Variants in PDE5A observed in about 807,000 individuals in gnomAD.
PDE5A encodes the protein phosphodiesterase 5A.
In PDE5A, 67 loss-of-function variants were observed where a neutral mutation model predicts 110.2. That is an observed-to-expected ratio of 0.61 (90% confidence interval 0.50 to 0.75). The LOEUF (loss-of-function observed/expected upper bound fraction) is 0.75, where lower values mean the gene tolerates loss of function less well. PDE5A is among the 30% of genes least tolerant of loss of function. The pLI is 0.00. For synonymous variants in PDE5A, 328 were observed against 351.2 expected (o/e 0.93, Z 0.74); for missense variants, 862 against 1,045.1 (o/e 0.82, Z 2.42).
At chr4:119,612,812 T>C (rs1443097324) in intron 1 of PDE5A, among the ~76,000 whole-genome samples, 2 of 152,154 alleles carry the variant, frequency 1.3e-5, no homozygotes, top group Non-Finnish European at 2.9e-5. Context: ...AATTATCCAG[T>C]CTAAGCTATT....
chr4:119,528,317 T>C (rs541262555), intron 11 of PDE5A, among the ~76,000 whole-genome samples: 12 of 152,014 alleles, frequency 7.9e-5, no homozygotes, highest in African/African-American at 2.9e-4. Context: ...TCACTAAGAG[T>C]GGAACGAGAG....
chr4:119,547,106 GT>G (rs35182804), intron 9 of PDE5A, among the ~76,000 whole-genome samples: 38,412 of 134,296 alleles, frequency 0.29, 4,963 homozygotes, highest in East Asian at 0.39. Context: ...TTGGGCAATA[GT>G]TTTTTTTTTT....
chr4:119,523,624 T>C (rs1726206414), intron 12 of PDE5A, among the ~76,000 whole-genome samples: 1 of 152,044 alleles, frequency 6.6e-6, no homozygotes, highest in Non-Finnish European at 1.5e-5. Context: ...GAGGAAATAT[T>C]TTCCTCATGG....
intron 3 of PDE5A, among the ~76,000 whole-genome samples, chr4:119,568,719 T>G (rs1728035891): frequency 6.6e-6 from 1 of 152,180 alleles, no homozygotes; most frequent in Non-Finnish European, 1.5e-5. Context: ...TAAATAGTTT[T>G]ACAAAGTAAA....
At chr4:119,540,802 G>A (rs7678400) in intron 10 of PDE5A, among the ~76,000 whole-genome samples, 39,958 of 151,866 alleles carry the variant, frequency 0.26, 5,388 homozygotes, top group East Asian at 0.38. Context: ...AAGACCTGAG[G>A]GGTTTGTGCC....
In PDE5A at chr4:119,498,593, T is replaced by C. The variant is rs1375083559; in HGVS notation, c.*8A>G. 6.2e-7 allele frequency: 1 copy of C among 1,613,874 alleles called. No homozygotes were observed. The highest frequency in any genetic ancestry group is 2.2e-5 in the East Asian group (1 of 44,866). ...CTGTAAACTTCAACTCTGCATGAAATAGGCCACTCAGTTCCGCTTGGCCTG... is the reference window on the plus strand; with the variant it reads ...CTGTAAACTTCAACTCTGCATGAAACAGGCCACTCAGTTCCGCTTGGCCTG... On this transcript the variant is annotated 3_prime_UTR_variant, in exon 21 of 21. Transcript: ENST00000354960.
chr4:119,525,802 T>TG lies in PDE5A; in HGVS notation c.1633-108_1633-107insC. 1 of 1,156,856 alleles carries TG rather than the reference T, an allele frequency of 8.6e-7. No individual in the cohort carries two copies. The highest frequency in any genetic ancestry group is 1.2e-6 in the Non-Finnish European group (1 of 827,670). 71.7% of individuals were successfully genotyped at this position (1,156,856 alleles called of 1,614,324 possible). A position where few individuals can be genotyped will look rare whatever the true frequency, so the allele number is the denominator to read the frequency against. On this transcript the variant is annotated intron_variant, in intron 11 of 20. Transcript: ENST00000354960. This position sits in a 1 kb window ranked among gnomAD's most constrained non-coding sequence, Gnocchi z 4.3. ...AGAAATAGCATATTGTGGCTTTTTT[T>TG]TCCTTTTTAATGAAAGACACTAGAA...
At chr4:119,564,772 C>T (rs1727867133) in intron 5 of PDE5A, among the ~76,000 whole-genome samples, 1 of 152,044 alleles carries the variant, frequency 6.6e-6, no homozygotes, top group Admixed American at 6.6e-5. Context: ...AGAATTGCAA[C>T]TTTAGAATTA....
intron 14 of PDE5A, among the ~76,000 whole-genome samples, chr4:119,515,148 C>A (rs376977133): frequency 1.3e-5 from 2 of 152,142 alleles, no homozygotes; most frequent in African/African-American, 4.8e-5. Flanking sequence ...TTGAATTGAA[C>A]TTTCACTTTA....
chr4:119,613,228 T>C (rs943282910), intron 1 of PDE5A, among the ~76,000 whole-genome samples: 4 of 152,136 alleles, frequency 2.6e-5, no homozygotes, highest in African/African-American at 9.7e-5. Context: ...ATTAGCAGAG[T>C]GTCATTACAA....
rs80052400 is a variant in PDE5A, at chr4:119,576,979, G to A, written c.832-9835C>T. The stretch of plus-strand genomic sequence containing the variant: ...GAAGAAAAGAGAGAAGAATCAAATA[G>A]GTGCAATAAAAAATGATAAAGGGGA... On this transcript the variant is annotated intron_variant, in intron 3 of 20. Coordinates refer to ENST00000354960, the MANE Select transcript of PDE5A (RefSeq NM_001083.4). Among the ~76,000 whole-genome samples the A allele has an allele frequency of 3.3e-5, 5 of 151,680 alleles. No homozygotes were observed. In the East Asian group the frequency reaches 9.7e-4, roughly 29 times the overall value.
In PDE5A at chr4:119,596,512, A is replaced by C; in HGVS notation, c.831+11T>G. 1 of 1,489,848 alleles carries C rather than the reference A, an allele frequency of 6.7e-7. No individual in the cohort carries two copies. Among genetic ancestry groups the C allele is most frequent in the Non-Finnish European group, 9.1e-7 (1 of 1,093,798 alleles). The allele number at this position is 1,489,848 out of a possible 1,614,324, so 92.3% of individuals were successfully genotyped here. ...TCCAATGACCTTTTATAAAATGGAA[A>C]ATTGGCTTACCTCTTCCCTATGATT... is the stretch of plus-strand genomic sequence containing the variant. On this transcript the variant is annotated intron_variant, in intron 3 of 20. Coordinates refer to ENST00000354960, the MANE Select transcript of PDE5A (RefSeq NM_001083.4).
intron 9 of PDE5A, 64 bp downstream of exon 9, chr4:119,552,486 A>G: frequency 1.8e-6 from 1 of 556,366 alleles, no homozygotes; most frequent in Non-Finnish European, 3.0e-6. Context: ...TGAAAGAAAG[A>G]AGTATAGCTG....
chr4:119,606,648 AC>A, intron 2 of PDE5A, 60 bp downstream of exon 2: 1 of 1,193,960 alleles, frequency 8.4e-7, no homozygotes, highest in South Asian at 1.3e-5. Context: ...CAGCCATAGT[AC>A]CCGCCCCAGC....
chr4:119,606,878 C>T lies in PDE5A; in HGVS notation c.572G>A (p.Cys191Tyr), dbSNP rs920795512. 1 of 1,614,224 alleles carries T rather than the reference C, an allele frequency of 6.2e-7. No homozygotes were observed. Among genetic ancestry groups the T allele is most frequent in the African/African-American group, 1.3e-5 (1 of 75,060 alleles). Residue 191 changes from cysteine to tyrosine, a missense_variant, in exon 2 of 21, where the codon TGT becomes TAT. Coordinates refer to ENST00000354960, the MANE Select transcript of PDE5A (RefSeq NM_001083.4). The part of the protein sequence containing the change: ...SADRYSLFLV[C>Y]EDSSNDKFLI... ...AAACTTGTCATTGGAGCTGTCTTCACAGACAAGGAACAGGGAATAGCGGTC... is the reference window on the plus strand; with the variant it reads ...AAACTTGTCATTGGAGCTGTCTTCATAGACAAGGAACAGGGAATAGCGGTC...
chr4:119,501,362 G>C, intron 19 of PDE5A, 109 bp from the exon 20 acceptor site: 1 of 687,072 alleles, frequency 1.5e-6, no homozygotes, highest in African/African-American at 1.8e-5. Context: ...CCAGGCTGGA[G>C]TGCAGTGGCA....
At chr4:119,615,908 T>C (rs1373349715) in intron 1 of PDE5A, among the ~76,000 whole-genome samples, 3 of 152,136 alleles carry the variant, frequency 2.0e-5, no homozygotes, top group Non-Finnish European at 4.4e-5. Flanking sequence ...GCCACAGCCA[T>C]GGAAAATGCA....
At chr4:119,567,281 T>C in intron 3 of PDE5A, 137 bp from the exon 4 acceptor site, 1 of 605,578 alleles carries the variant, frequency 1.7e-6, no homozygotes, top group Non-Finnish European at 3.0e-6. Flanking sequence ...GCAAAACCCC[T>C]CATCAGCATT....
In PDE5A at chr4:119,627,784, C is replaced by T. The variant is rs1730413044; in HGVS notation, c.152+736G>A. On this transcript the variant is annotated intron_variant, in intron 1 of 20. Coordinates refer to ENST00000354960, the MANE Select transcript of PDE5A (RefSeq NM_001083.4). The surrounding 1 kb of genome is among the most constrained non-coding windows in gnomAD (Gnocchi z 4.6). ...CCGCAAGGGCCGCCCCGGCGCTTGGCTCTGGACCAGAAAGAGCTGGCCTCT... is the reference window on the plus strand; with the variant it reads ...CCGCAAGGGCCGCCCCGGCGCTTGGTTCTGGACCAGAAAGAGCTGGCCTCT... Among the ~76,000 whole-genome samples, 1 of 152,232 alleles carries T rather than the reference C, an allele frequency of 6.6e-6. No individual in the cohort carries two copies. The highest frequency in any genetic ancestry group is 1.5e-5 in the Non-Finnish European group (1 of 68,040).
Sources: gnomAD v4.1 joint callset for allele counts (sites outside exome capture counted in the v4.1 genomes callset) on GRCh38, gnomAD v4.1.1 for gene constraint, Gnocchi (gnomAD v3.1) non-coding constraint, MANE v1.5 for transcripts, NCBI Gene and HGNC (gene_info 2026-07-23, HGNC 2026-07-21) for gene names.